The following C3orf49 variants were observed in gnomAD, a reference collection of about 807,000 sequenced individuals.
C3orf49 encodes putative uncharacterized protein C3orf49.
C3orf49 carries 27 observed loss-of-function variants against 13.3 expected under a neutral mutation model. The ratio of observed to expected loss-of-function variants is 2.02; its 90% CI spans 1.49 to 2.79. The LOEUF (loss-of-function observed/expected upper bound fraction) is 2.79. Ranked by LOEUF, C3orf49 falls within the 30% of genes most tolerant of loss-of-function variation. The pLI is 0.00. For missense variants in C3orf49, 242 were observed against 134.2 expected, an observed-to-expected ratio of 1.80 and a Z score of -3.97; for synonymous variants, 87 against 47.6, an observed-to-expected ratio of 1.83 and a Z score of -3.40.
chr3:63,792,965 G>C, the C3orf49 span, among the ~76,000 whole-genome samples: 1 of 152,098 alleles, frequency 6.6e-6, no homozygotes, highest in African/African-American at 2.4e-5. Flanking sequence ...CTTTGACCAG[G>C]TTAACCATTG....
the C3orf49 span, among the ~76,000 whole-genome samples, chr3:63,810,365 A>T: frequency 3.9e-5 from 6 of 152,172 alleles, no homozygotes; most frequent in Non-Finnish European, 8.8e-5. Flanking sequence ...GGGAACTTTC[A>T]TCTGTTCCTC....
upstream of C3orf49, among the ~76,000 whole-genome samples, chr3:63,818,279 G>A (rs1421583474): frequency 6.6e-6 from 1 of 152,156 alleles, no homozygotes; most frequent in Admixed American, 6.5e-5. Context: ...AAATGAATTG[G>A]CCAAGGTCAC....
intron 6 of C3orf49, 121 bp downstream of exon 6, chr3:63,845,203 T>C (rs1464061781): frequency 1.0e-5 from 5 of 480,816 alleles, no homozygotes; most frequent in African/African-American, 1.9e-5. Context: ...GCTGATATCT[T>C]TGGCTTTGGG....
chr3:63,808,181 T>A, the C3orf49 span, among the ~76,000 whole-genome samples: 1 of 152,196 alleles, frequency 6.6e-6, no homozygotes, highest in East Asian at 1.9e-4. Flanking sequence ...GCTGGACCAG[T>A]TAGGAAGCTC....
At position 63,846,968 on chromosome 3, in the gene C3orf49, G is replaced by C. The variant is rs540848744; in HGVS notation, c.*31-1396G>C. On this transcript the variant is annotated intron_variant, in intron 6 of 6. Transcript: ENST00000295896. ...GCAACCTAGAATGACATTTGGGCCT[G>C]TCCTAGGGTGCTTCCCCAAATAAGC... Among the ~76,000 whole-genome samples the C allele has an allele frequency of 4.9e-3, 748 of 152,258 alleles. 4 individuals are homozygous for C. The highest frequency in any genetic ancestry group is 6.3e-3 in the Non-Finnish European group (430 of 68,012).
intron 5 of C3orf49, 52 bp from the exon 6 acceptor site, chr3:63,844,964 GAATCATA>G: frequency 1.6e-6 from 1 of 644,910 alleles, no homozygotes; most frequent in Non-Finnish European, 2.8e-6. Flanking sequence ...CCCAAGTCTA[GAATCATA>G]AATAAAGACA....
intron 3 of C3orf49, among the ~76,000 whole-genome samples, chr3:63,829,632 A>G (rs1459115599): frequency 2.0e-5 from 3 of 152,174 alleles, no homozygotes. Context: ...TAGCTATAAA[A>G]ATGTTTTGTT....
Position 63,819,477 on chromosome 3 carries a change from C to G in C3orf49, c.6C>G (p.Ala2=). Reference sequence around the variant, plus strand: ...TACAGGTGAAGTTGAGAGCAATGGCCCAACCTCAGCTGTATCTACCAGAAC... The same window carrying G: ...TACAGGTGAAGTTGAGAGCAATGGCGCAACCTCAGCTGTATCTACCAGAAC... M[A]QPQLYLPEPF... is the part of the protein sequence containing the mutation. Residue 2 remains alanine (A), a synonymous_variant, in exon 1 of 7, where the codon GCC becomes GCG. Transcript: ENST00000295896. The G allele has an allele frequency of 1.4e-6, 1 of 702,790 alleles. No homozygotes were observed. The highest frequency in any genetic ancestry group is 2.6e-6 in the Non-Finnish European group (1 of 384,864). 43.5% of individuals were successfully genotyped at this position (702,790 alleles called of 1,614,324 possible). A position where few individuals can be genotyped will look rare whatever the true frequency, so the allele number is the denominator to read the frequency against.
the C3orf49 span, among the ~76,000 whole-genome samples, chr3:63,791,935 G>A: frequency 2.3e-4 from 35 of 152,174 alleles, no homozygotes; most frequent in South Asian, 1.5e-3. Flanking sequence ...TTCATCTTGC[G>A]TGAAAAGACT....
chr3:63,837,909 T>TA, intron 5 of C3orf49: 1 of 1,452,288 alleles, frequency 6.9e-7, no homozygotes, highest in Middle Eastern at 1.8e-4. Context: ...CTCACAACAT[T>TA]AAAAACTGCA....
At chr3:63,830,442 T>C (rs978711166) in intron 3 of C3orf49, among the ~76,000 whole-genome samples, 7 of 152,166 alleles carry the variant, frequency 4.6e-5, no homozygotes, top group African/African-American at 7.2e-5. Context: ...TGGTCCCATA[T>C]CCTACTTTGT....
In C3orf49 at chr3:63,823,440, A is replaced by C; in HGVS notation, c.316A>C (p.Ser106Arg). The C allele has an allele frequency of 1.4e-6, 1 of 703,296 alleles. No homozygotes were observed. The highest frequency in any genetic ancestry group is 1.5e-5 in the South Asian group (1 of 67,606). 43.6% of individuals were successfully genotyped at this position (703,296 alleles called of 1,614,324 possible). ...GTATAGAAGCAAGCCAGCATGTGCC[A>C]GCCAAGAGGGCTCCACTGACCATAA... ...YKYRSKPACA[S>R]QEGSTDHKEA... The change falls in exon 2 of 7, where the codon AGC becomes CGC. Residue 106 changes from serine to arginine, a missense_variant. Ser to Arg is a moderately radical substitution (Grantham distance 110). Transcript: ENST00000295896.
At chr3:63,808,692 C>T in the C3orf49 span, among the ~76,000 whole-genome samples, 1 of 152,174 alleles carries the variant, frequency 6.6e-6, no homozygotes, top group Non-Finnish European at 1.5e-5. Flanking sequence ...GTTGGTCAAG[C>T]TTTTATTGAA....
upstream of C3orf49, among the ~76,000 whole-genome samples, chr3:63,815,772 T>G (rs547715498): frequency 3.1e-4 from 37 of 118,142 alleles, no homozygotes; most frequent in African/African-American, 1.6e-3. Flanking sequence ...CTTTTCTTTC[T>G]TTTTTTTTTT....
the C3orf49 span, among the ~76,000 whole-genome samples, chr3:63,808,010 T>C: frequency 6.6e-6 from 1 of 152,012 alleles, no homozygotes; most frequent in East Asian, 1.9e-4. Context: ...ACAATAGCTC[T>C]GGGGAGGAAG....
At chr3:63,831,993 A>C in intron 5 of C3orf49, 149 bp downstream of exon 5, 1 of 564,346 alleles carries the variant, frequency 1.8e-6, no homozygotes, top group East Asian at 3.0e-5. Flanking sequence ...CTGGAGTTCA[A>C]AACCAGCCTG....
Position 63,827,616 on chromosome 3 carries a change from A to C in C3orf49, c.461A>C (p.Asp154Ala), listed in dbSNP as rs1275280644. 2.8e-6 allele frequency: 2 copies of C among 703,062 alleles called. No individual in the cohort carries two copies. The highest frequency in any genetic ancestry group is 3.5e-5 in the African/African-American group (2 of 57,202). 43.6% of individuals were successfully genotyped at this position (703,062 alleles called of 1,614,324 possible). Residue 154 changes from aspartate (D) to alanine (A), a missense_variant, in exon 3 of 7, where the codon GAT (aspartate) becomes GCT (alanine). Transcript: ENST00000295896. ...KLSENATIQL[D>A]VVEAETEEIT... is the part of the protein sequence containing the mutation. ...TTTCTTGAAGCGACTATACAACTTG[A>C]TGTTGTAGAGGCAGAGACAGAGGAG...
chr3:63,809,582 C>T, the C3orf49 span, among the ~76,000 whole-genome samples: 3 of 152,280 alleles, frequency 2.0e-5, no homozygotes, highest in African/African-American at 4.8e-5. Context: ...AGGCCAAACT[C>T]CCACAACTGC....
chr3:63,806,825 A>G, the C3orf49 span, among the ~76,000 whole-genome samples: 1 of 152,106 alleles, frequency 6.6e-6, no homozygotes, highest in Non-Finnish European at 1.5e-5. Context: ...CAGTGTTTGC[A>G]TGTTACCCCA....
Sources: allele counts gnomAD v4.1 joint callset (sites outside exome capture counted in the v4.1 genomes callset), GRCh38; gene constraint gnomAD v4.1.1; transcripts MANE v1.5; gene names NCBI Gene and HGNC (gene_info 2026-07-23, HGNC 2026-07-21).